SEL1L3: variants seen among roughly 807,000 people sequenced by gnomAD.
SEL1L3 encodes SEL1L family member 3.
SEL1L3 carries 76 observed loss-of-function variants against 142.8 expected under a neutral mutation model. That is an observed-to-expected ratio of 0.53 (90% CI 0.44 to 0.64). The LOEUF (loss-of-function observed/expected upper bound fraction) is 0.64, where lower values mean the gene tolerates loss of function less well. Ranked by LOEUF, SEL1L3 falls within the 30% of genes least tolerant of loss-of-function variation. The pLI is 0.00. For missense variants in SEL1L3, 1,262 were observed against 1,381.7 expected, an observed-to-expected ratio of 0.91 and a Z score of 1.37; for synonymous variants, 504 against 519.6, an observed-to-expected ratio of 0.97 and a Z score of 0.41.
chr4:25,823,238 G>A (rs1280999514), intron 6 of SEL1L3, among the ~76,000 whole-genome samples: 1 of 152,164 alleles, frequency 6.6e-6, no homozygotes, highest in East Asian at 1.9e-4. Flanking sequence ...AAATAATGCT[G>A]GGCATGGTGG....
intron 11 of SEL1L3, among the ~76,000 whole-genome samples, chr4:25,794,576 G>A (rs1712581668): frequency 6.6e-6 from 1 of 152,196 alleles, no homozygotes; most frequent in Non-Finnish European, 1.5e-5. Context: ...AGATGCTGGT[G>A]AGGCTGTGGA....
At chr4:25,819,582 T>C (rs1055603358) in intron 8 of SEL1L3, among the ~76,000 whole-genome samples, 7 of 152,258 alleles carry the variant, frequency 4.6e-5, no homozygotes, top group Non-Finnish European at 1.0e-4. Context: ...GTTGGAGCTA[T>C]AAGATGTTTT....
At chr4:25,714,745 A>G in the SEL1L3 span, among the ~76,000 whole-genome samples, 13 of 151,398 alleles carry the variant, frequency 8.6e-5, no homozygotes, top group African/African-American at 3.2e-4. Flanking sequence ...TAATTTTTGT[A>G]TTTTTTAGTC....
chr4:25,725,244 T>C, the SEL1L3 span, among the ~76,000 whole-genome samples: 5 of 151,616 alleles, frequency 3.3e-5, no homozygotes, highest in African/African-American at 4.9e-5. Flanking sequence ...AGAAGTTTGT[T>C]AAGAAAGTAA....
At chr4:25,807,026 A>G (rs763803288) in intron 9 of SEL1L3, among the ~76,000 whole-genome samples, 2 of 152,198 alleles carry the variant, frequency 1.3e-5, no homozygotes, top group Non-Finnish European at 1.5e-5. Flanking sequence ...ATCTATTTAC[A>G]TATCTACATA....
intron 17 of SEL1L3, 43 bp downstream of exon 17, chr4:25,776,230 TGACA>T (rs1719612414): frequency 7.9e-7 from 1 of 1,269,132 alleles, no homozygotes; most frequent in Non-Finnish European, 1.1e-6. Flanking sequence ...AAGACTATAC[TGACA>T]GACAGGGAAA....
At chr4:25,745,671 G>A (rs771301370), downstream of SEL1L3, among the ~76,000 whole-genome samples, 1 of 152,206 alleles carries the variant, frequency 6.6e-6, no homozygotes, top group Non-Finnish European at 1.5e-5. Flanking sequence ...ATGCTGTTTA[G>A]CATCTACAAT....
intron 15 of SEL1L3, among the ~76,000 whole-genome samples, chr4:25,780,847 A>G (rs1348110707): frequency 6.7e-6 from 1 of 148,652 alleles, no homozygotes; most frequent in Non-Finnish European, 1.5e-5. Context: ...TATTTTTGAG[A>G]TGGAGTCTTG....
chr4:25,726,796 G>C, the SEL1L3 span, among the ~76,000 whole-genome samples: 2 of 152,092 alleles, frequency 1.3e-5, no homozygotes, highest in Non-Finnish European at 2.9e-5. Flanking sequence ...GCCTACATTT[G>C]TGATTCTGTT....
chr4:25,781,568 G>A (rs1371883787), intron 15 of SEL1L3, among the ~76,000 whole-genome samples: 7 of 152,116 alleles, frequency 4.6e-5, no homozygotes, highest in Admixed American at 4.6e-4. Flanking sequence ...TATTTTTAAC[G>A]ATTTTTATTA....
At chr4:25,737,807 T>A in the SEL1L3 span, among the ~76,000 whole-genome samples, 1 of 152,354 alleles carries the variant, frequency 6.6e-6, no homozygotes, top group African/African-American at 2.4e-5. Flanking sequence ...TAATACAATG[T>A]AAATGCTGTG....
At chr4:25,736,381 G>A in the SEL1L3 span, among the ~76,000 whole-genome samples, 1 of 151,678 alleles carries the variant, frequency 6.6e-6, no homozygotes, top group African/African-American at 2.4e-5. Flanking sequence ...TCACCACCAC[G>A]CCTAGCTAAT....
At chr4:25,810,020 C>T (rs1310605136) in intron 9 of SEL1L3, among the ~76,000 whole-genome samples, 2 of 152,228 alleles carry the variant, frequency 1.3e-5, no homozygotes, top group Non-Finnish European at 2.9e-5. Context: ...ACACTCAGCA[C>T]TCCGGAGCCT....
At chr4:25,735,581 ATCT>A in the SEL1L3 span, among the ~76,000 whole-genome samples, 68,964 of 151,018 alleles carry the variant, frequency 0.46, 16,360 homozygotes, top group East Asian at 0.67. Flanking sequence ...GTTTAGCTTA[ATCT>A]TCTTTTTTTA....
chr4:25,726,084 C>T, the SEL1L3 span, among the ~76,000 whole-genome samples: 2 of 152,018 alleles, frequency 1.3e-5, no homozygotes, highest in African/African-American at 4.8e-5. Flanking sequence ...GATGGAGTCC[C>T]CCTGGTTTGA....
At chr4:25,855,340 A>G (rs1717182741) in intron 1 of SEL1L3, among the ~76,000 whole-genome samples, 2 of 152,230 alleles carry the variant, frequency 1.3e-5, no homozygotes, top group African/African-American at 4.8e-5. Context: ...CAAGCTAAAA[A>G]TTTATCTGCA....
chr4:25,804,518 A>G, intron 10 of SEL1L3, 23 bp downstream of exon 10: 2 of 1,532,910 alleles, frequency 1.3e-6, no homozygotes, highest in Non-Finnish European at 1.8e-6. Context: ...GACTGATGTT[A>G]ATGGAGCAAT....
At chr4:25,727,947 G>A in the SEL1L3 span, among the ~76,000 whole-genome samples, 20,124 of 152,166 alleles carry the variant, frequency 0.13, 1,567 homozygotes, top group Middle Eastern at 0.22. Flanking sequence ...GTTCTGCCTG[G>A]CTGAGCGGCT....
intron 2 of SEL1L3, among the ~76,000 whole-genome samples, chr4:25,846,101 T>C (rs371732790): frequency 2.1e-3 from 320 of 152,322 alleles, no homozygotes; most frequent in East Asian, 6.2e-3. Context: ...TGGGCGCATG[T>C]GTGGGGAGGG....
Sources: allele counts gnomAD v4.1 joint callset (sites outside exome capture counted in the v4.1 genomes callset), GRCh38; gene constraint gnomAD v4.1.1; transcripts MANE v1.5; gene names NCBI Gene and HGNC (gene_info 2026-07-23, HGNC 2026-07-21).